The following FAM53A variants were observed in gnomAD, a reference collection of about 807,000 sequenced individuals.
The protein encoded by FAM53A is family with sequence similarity 53 member A.
Under a neutral mutation model 26.6 loss-of-function variants are expected in FAM53A, and 28 were observed. The observed-to-expected ratio is 1.05, with a 90% CI of 0.78 to 1.45. The LOEUF is 1.45. Ranked by LOEUF, FAM53A falls within the 40% of genes most tolerant of loss-of-function variation. FAM53A has a pLI of 0.00. For synonymous variants in FAM53A, 290 were observed against 253.1 expected (o/e 1.15, Z -1.38); for missense variants, 650 against 575.8 (o/e 1.13, Z -1.32).
chr4:1,631,601 G>A (rs1208855508), intron 1 of FAM53A, among the ~76,000 whole-genome samples: 1 of 152,102 alleles, frequency 6.6e-6, no homozygotes, highest in Non-Finnish European at 1.5e-5. Context: ...CGGTGCACTG[G>A]GCAGCCTCTG....
At chr4:1,600,964 C>T in the FAM53A span, among the ~76,000 whole-genome samples, 890 of 152,308 alleles carry the variant, frequency 5.8e-3, 11 homozygotes, top group African/African-American at 0.02. Context: ...GCCCCAGGGC[C>T]CAGCCCTGGA....
chr4:1,672,976 G>C (rs557944026), intron 1 of FAM53A, among the ~76,000 whole-genome samples: 1 of 152,036 alleles, frequency 6.6e-6, no homozygotes, highest in Non-Finnish European at 1.5e-5. Flanking sequence ...CGCCATGTTG[G>C]CCAGGCTGGT....
downstream of FAM53A, among the ~76,000 whole-genome samples, chr4:1,615,108 G>A (rs1294729912): frequency 6.7e-6 from 1 of 149,946 alleles, no homozygotes; most frequent in Non-Finnish European, 1.5e-5. Context: ...CCTCACCTGG[G>A]GACACAAGGG....
intron 4 of FAM53A, chr4:1,644,384 C>T: frequency 6.5e-7 from 1 of 1,530,558 alleles, no homozygotes. Context: ...CTCTGGACGA[C>T]ACAGTCGGTG....
chr4:1,619,104 G>A (rs1007464018), intron 1 of FAM53A, among the ~76,000 whole-genome samples: 8 of 152,138 alleles, frequency 5.3e-5, no homozygotes, highest in African/African-American at 1.9e-4. Context: ...TTCCTCCTGG[G>A]GTCAAAGACA....
At position 1,655,254 on chromosome 4, in the gene FAM53A, C is replaced by T. The variant is rs564145219; in HGVS notation, c.606G>A (p.Ala202=). 1.0e-5 allele frequency: 15 copies of T among 1,469,590 alleles called. No individual in the cohort carries two copies. Among genetic ancestry groups the T allele is most frequent in the South Asian group, 6.9e-5 (5 of 72,298 alleles). 91.0% of individuals were successfully genotyped at this position (1,469,590 alleles called of 1,614,324 possible). A position where few individuals can be genotyped will look rare whatever the true frequency, so the allele number is the denominator to read the frequency against. ...GGFVDSSEGS[A]GSGPLWCSAE... ...CGGAACACCAGAGCGGGCCTGAGCC[C>T]GCACTGCCCTCGCTGCTGTCCACGA... The change falls in exon 4 of 5, where the codon GCG becomes GCA. Residue 202 remains alanine, a synonymous_variant. Coordinates refer to ENST00000308132, the MANE Select transcript of FAM53A (RefSeq NM_001174070.3).
intron 1 of FAM53A, among the ~76,000 whole-genome samples, chr4:1,676,208 G>A (rs1171784888): frequency 1.3e-5 from 2 of 152,220 alleles, no homozygotes; most frequent in South Asian, 2.1e-4. Flanking sequence ...GACGCCAGCA[G>A]GGCCATGCCC....
chr4:1,613,189 G>GT, downstream of FAM53A, among the ~76,000 whole-genome samples: 1 of 152,230 alleles, frequency 6.6e-6, no homozygotes, highest in Non-Finnish European at 1.5e-5. Context: ...CCCTGCTGCT[G>GT]TAACAAAACA....
At chr4:1,619,535 G>A (rs1346638184) in intron 1 of FAM53A, among the ~76,000 whole-genome samples, 3 of 152,178 alleles carry the variant, frequency 2.0e-5, no homozygotes, top group East Asian at 1.9e-4. Flanking sequence ...CCTCCAAGCC[G>A]CATCTCCCTC....
intron 1 of FAM53A, among the ~76,000 whole-genome samples, chr4:1,681,402 C>T (rs1715429026): frequency 6.6e-6 from 1 of 152,200 alleles, no homozygotes. Flanking sequence ...CTCAGCCTCC[C>T]AAAGTGCTGG....
chr4:1,637,322 T>C (rs1055038131), downstream of FAM53A, among the ~76,000 whole-genome samples: 11 of 152,252 alleles, frequency 7.2e-5, no homozygotes, highest in African/African-American at 2.6e-4. Context: ...CACCCCACGC[T>C]GCCAGGGAGG....
At chr4:1,644,809 G>A (rs1712089493) in intron 4 of FAM53A, 1 of 156,146 alleles carries the variant, frequency 6.4e-6, no homozygotes, top group African/African-American at 2.4e-5. Context: ...AGCACCTGAG[G>A]TGGGTTAACT....
At chr4:1,657,228 C>CACGG (rs1713453138) in intron 3 of FAM53A, among the ~76,000 whole-genome samples, 180 bp downstream of exon 3, 1 of 152,232 alleles carries the variant, frequency 6.6e-6, no homozygotes, top group Non-Finnish European at 1.5e-5. Context: ...CACTCTTGAC[C>CACGG]ACGGGCCCAG....
downstream of FAM53A, among the ~76,000 whole-genome samples, chr4:1,613,312 G>A (rs1287122395): frequency 6.6e-6 from 1 of 152,222 alleles, no homozygotes; most frequent in African/African-American, 2.4e-5. Flanking sequence ...TCCCAATATG[G>A]CGTCCTGTCA....
the FAM53A span, among the ~76,000 whole-genome samples, chr4:1,578,618 A>G: frequency 6.6e-6 from 1 of 150,858 alleles, no homozygotes; most frequent in Non-Finnish European, 1.5e-5. Flanking sequence ...CCCCATGGGA[A>G]GCGCCCTGCC....
At chr4:1,626,119 T>C (rs1347329471) in intron 1 of FAM53A, among the ~76,000 whole-genome samples, 1 of 152,170 alleles carries the variant, frequency 6.6e-6, no homozygotes, top group African/African-American at 2.4e-5. Flanking sequence ...CCTGTCTCCA[T>C]CTGGCTCCTG....
intron 4 of FAM53A, among the ~76,000 whole-genome samples, chr4:1,653,565 T>C (rs910186566): frequency 1.3e-5 from 2 of 152,144 alleles, no homozygotes; most frequent in Non-Finnish European, 2.9e-5. Flanking sequence ...GCTTGTGCTA[T>C]GTCCAAAGCT....
the FAM53A span, among the ~76,000 whole-genome samples, chr4:1,580,690 C>T: frequency 2.1e-5 from 3 of 146,002 alleles, no homozygotes; most frequent in Non-Finnish European, 4.6e-5. Context: ...AGGACCCTGC[C>T]TCCCGCTCAG....
chr4:1,593,348 G>A, the FAM53A span, among the ~76,000 whole-genome samples: 1 of 152,144 alleles, frequency 6.6e-6, no homozygotes, highest in Non-Finnish European at 1.5e-5. Context: ...CCGCGGCCCG[G>A]AGCCACGCCA....
Sources: gnomAD v4.1 joint callset for allele counts (sites outside exome capture counted in the v4.1 genomes callset) on GRCh38, gnomAD v4.1.1 for gene constraint, MANE v1.5 for transcripts, NCBI Gene and HGNC (gene_info 2026-07-23, HGNC 2026-07-21) for gene names.